The following ARHGEF18 variants were observed in gnomAD, a reference collection of about 807,000 sequenced individuals.
ARHGEF18 encodes Rho/Rac guanine nucleotide exchange factor 18.
A neutral mutation model predicts 155.7 loss-of-function variants in ARHGEF18; 93 were observed. The observed-to-expected ratio is 0.60, with a 90% CI of 0.50 to 0.71. The LOEUF is 0.71. ARHGEF18 is among the 30% of genes least tolerant of loss of function. ARHGEF18 has a pLI of 0.00. For synonymous variants in ARHGEF18, 742 were observed against 753.1 expected (o/e 0.99, Z 0.24); for missense variants, 1,593 against 1,816.1 (o/e 0.88, Z 2.23).
At chr19:7,415,705 T>C (rs1481388011) in intron 10 of ARHGEF18, among the ~76,000 whole-genome samples, 2 of 151,986 alleles carry the variant, frequency 1.3e-5, no homozygotes, top group Middle Eastern at 3.4e-3. Context: ...ACCCACCACA[T>C]GACAGGCCTC....
chr19:7,395,394 C>A lies in ARHGEF18; in HGVS notation c.967+12191C>A, dbSNP rs1028835029. On this transcript the variant is annotated intron_variant, in intron 10 of 28. Coordinates refer to ENST00000668164, the MANE Select transcript of ARHGEF18 (RefSeq NM_001367823.1). The surrounding 1 kb of genome is among the most constrained non-coding windows in gnomAD (Gnocchi z 5.0). ...TGGGGGACTTCTCCAGGCAGGCGAA[C>A]GGGTGCTGGGGTGCAGGCTGCTCCT... 7 of 864,712 alleles carry A rather than the reference C, an allele frequency of 8.1e-6. No homozygotes were observed. The highest frequency in any genetic ancestry group is 9.7e-6 in the Non-Finnish European group (7 of 719,856). The allele number at this position is 864,712 out of a possible 1,614,324, so 53.6% of individuals were successfully genotyped here. A position where few individuals can be genotyped will look rare whatever the true frequency, so the allele number is the denominator to read the frequency against.
At chr19:7,476,287 G>C (rs868309028), downstream of ARHGEF18, among the ~76,000 whole-genome samples, 1 of 152,240 alleles carries the variant, frequency 6.6e-6, no homozygotes, top group Non-Finnish European at 1.5e-5. Flanking sequence ...ACTCCAGCCT[G>C]GGTGACAGAG....
At chr19:7,360,192 T>A (rs1568262806) in intron 1 of ARHGEF18, among the ~76,000 whole-genome samples, 2 of 151,120 alleles carry the variant, frequency 1.3e-5, no homozygotes, top group Non-Finnish European at 2.9e-5. Context: ...ACATGCACAA[T>A]CACACAACCC....
chr19:7,415,711 G>T (rs984904803), intron 10 of ARHGEF18, among the ~76,000 whole-genome samples: 2 of 151,702 alleles, frequency 1.3e-5, no homozygotes, highest in African/African-American at 4.8e-5. Context: ...CACATGACAG[G>T]CCTCGTGCCA....
At chr19:7,383,687 T>C (rs1600244520) in intron 10 of ARHGEF18, among the ~76,000 whole-genome samples, 1 of 152,166 alleles carries the variant, frequency 6.6e-6, no homozygotes, top group Non-Finnish European at 1.5e-5. Context: ...TCTATAAGGA[T>C]ACCAGCCATA....
chr19:7,395,481 G>A lies in ARHGEF18; in HGVS notation c.967+12278G>A, dbSNP rs1971647370. The stretch of plus-strand genomic sequence containing the variant: ...GCAGAGGTGCAGACGATGCCCGCCC[G>A]CTCCGTCCGAGCCCCAGCCAGTCCT... On this transcript the variant is annotated intron_variant, in intron 10 of 28. Transcript: ENST00000668164. This position sits in a 1 kb window ranked among gnomAD's most constrained non-coding sequence, Gnocchi z 5.0. Among the ~76,000 whole-genome samples, 1 of 152,174 alleles carries A rather than the reference G, an allele frequency of 6.6e-6. No homozygotes were observed. Among genetic ancestry groups the A allele is most frequent in the Admixed American group, 6.5e-5 (1 of 15,288 alleles).
intron 15 of ARHGEF18, among the ~76,000 whole-genome samples, chr19:7,448,640 A>C (rs766135857): frequency 6.6e-6 from 1 of 151,970 alleles, no homozygotes; most frequent in Non-Finnish European, 1.5e-5. Context: ...CAGCCTGGGC[A>C]ACAAGAGCGA....
chr19:7,411,747 T>G (rs1352167059), intron 10 of ARHGEF18, among the ~76,000 whole-genome samples: 2 of 152,108 alleles, frequency 1.3e-5, no homozygotes, highest in African/African-American at 4.8e-5. Context: ...TCTGTCCTCA[T>G]AAAACACTCA....
chr19:7,462,836 CTTTTTTT>C lies in ARHGEF18; in HGVS notation c.2635+514_2635+520del, dbSNP rs34155241. Among the ~76,000 whole-genome samples, 300 of 96,488 alleles carry C rather than the reference CTTTTTTT, an allele frequency of 3.1e-3. 1 individual carries two copies. Among genetic ancestry groups the C allele is most frequent in the Non-Finnish European group, 4.6e-3 (227 of 49,442 alleles). 63.3% of individuals were successfully genotyped at this position (96,488 alleles called of 152,430 possible). On this transcript the variant is annotated intron_variant, in intron 21 of 28. Transcript: ENST00000668164. The surrounding 1 kb of genome is among the most constrained non-coding windows in gnomAD (Gnocchi z 4.4). ...AGTCTGCTCTTTCTTTTTTTCTTTTCTTTTTTTTTTTTTTTTTTGAGATGGAGTCTCG... is the reference window on the plus strand; with the variant it reads ...AGTCTGCTCTTTCTTTTTTTCTTTTCTTTTTTTTTTTGAGATGGAGTCTCG...
intron 17 of ARHGEF18, among the ~76,000 whole-genome samples, chr19:7,454,909 C>A (rs1164811627): frequency 2.6e-5 from 4 of 152,046 alleles, no homozygotes; most frequent in African/African-American, 7.2e-5. Flanking sequence ...ATAGAGAATA[C>A]CCCCAGGACT....
In ARHGEF18 at chr19:7,456,177, G is replaced by T. The variant is rs1019913776; in HGVS notation, c.2105-150G>T. On this transcript the variant is annotated intron_variant, in intron 17 of 28. Coordinates refer to ENST00000668164, the MANE Select transcript of ARHGEF18 (RefSeq NM_001367823.1). ...TTGAGACCTGGAAAGGTGATGGGGGGTGCAGGCAAGGCAGAAAGGAAACTT... is the reference window on the plus strand; with the variant it reads ...TTGAGACCTGGAAAGGTGATGGGGGTTGCAGGCAAGGCAGAAAGGAAACTT... 3.6e-5 allele frequency: 26 copies of T among 729,718 alleles called. No homozygotes were observed. The African/African-American group carries it at 3.6e-4, about 10-fold the overall frequency. The allele number at this position is 729,718 out of a possible 1,614,324, so 45.2% of individuals were successfully genotyped here.
chr19:7,399,510 T>C (rs1444042623), intron 10 of ARHGEF18, among the ~76,000 whole-genome samples: 1 of 151,432 alleles, frequency 6.6e-6, no homozygotes, highest in Non-Finnish European at 1.5e-5. Context: ...GAGACAGAGT[T>C]TTGCTCTGTG....
intron 6 of ARHGEF18, 64 bp downstream of exon 6, chr19:7,378,515 G>A (rs540952089): frequency 7.5e-5 from 90 of 1,206,800 alleles, no homozygotes; most frequent in African/African-American, 1.6e-4. Context: ...TCAGGGCTGC[G>A]GGAGGAGGGC....
rs146134631 is a variant in ARHGEF18, at chr19:7,395,163, G to C, written c.967+11960G>C. 26 of 985,696 alleles carry C rather than the reference G, an allele frequency of 2.6e-5. No individual in the cohort carries two copies. The South Asian group carries it at 2.8e-4, about 11-fold the overall frequency. 61.1% of individuals were successfully genotyped at this position (985,696 alleles called of 1,614,324 possible). A position where few individuals can be genotyped will look rare whatever the true frequency, so the allele number is the denominator to read the frequency against. ...CCCAGCTGCTAGCTACTGTGGATCT[G>C]GGGGGGCCGGACGGAGGCATCGGAG... is the stretch of plus-strand genomic sequence containing the variant. On this transcript the variant is annotated intron_variant, in intron 10 of 28. Coordinates refer to ENST00000668164, the MANE Select transcript of ARHGEF18 (RefSeq NM_001367823.1). The surrounding 1 kb of genome is among the most constrained non-coding windows in gnomAD (Gnocchi z 5.0).
intron 10 of ARHGEF18, among the ~76,000 whole-genome samples, chr19:7,406,870 C>A (rs1342150545): frequency 6.7e-6 from 1 of 149,760 alleles, no homozygotes; most frequent in Non-Finnish European, 1.5e-5. Flanking sequence ...CTGGCTAACA[C>A]AGTGAAACCC....
rs1272243985 is a variant in ARHGEF18, at chr19:7,444,647, A to T, written c.1611+193A>T. Reference sequence around the variant, plus strand: ...CACCTCAGCCTCCCAAGTAGCTGGGACTACAGCTATGCGCCACCATACCCG... The same window carrying T: ...CACCTCAGCCTCCCAAGTAGCTGGGTCTACAGCTATGCGCCACCATACCCG... On this transcript the variant is annotated intron_variant, in intron 14 of 28. Transcript: ENST00000668164. This position sits in a 1 kb window ranked among gnomAD's most constrained non-coding sequence, Gnocchi z 4.7. 6.6e-6 allele frequency among the ~76,000 whole-genome samples: 1 copy of T among 152,018 alleles called. No homozygotes were observed. The highest frequency in any genetic ancestry group is 2.4e-5 in the African/African-American group (1 of 41,372).
chr19:7,423,470 C>T (rs994880158), intron 10 of ARHGEF18, among the ~76,000 whole-genome samples: 9 of 152,002 alleles, frequency 5.9e-5, no homozygotes, highest in African/African-American at 2.2e-4. Flanking sequence ...GAGGCCGAGG[C>T]GAGCGGATCA....
At chr19:7,379,060 G>C in intron 6 of ARHGEF18, 62 bp from the exon 7 acceptor site, 1 of 1,225,346 alleles carries the variant, frequency 8.2e-7, no homozygotes, top group Non-Finnish European at 1.0e-6. Context: ...GCTTATCTAG[G>C]GGAGAGTGTC....
chr19:7,446,760 G>T (rs1392229002), intron 14 of ARHGEF18, among the ~76,000 whole-genome samples: 1 of 151,918 alleles, frequency 6.6e-6, no homozygotes, highest in East Asian at 1.9e-4. Flanking sequence ...AGCCAGGCGT[G>T]GTGGCGGCAC....
Sources: allele counts gnomAD v4.1 joint callset (sites outside exome capture counted in the v4.1 genomes callset), GRCh38; gene constraint gnomAD v4.1.1; non-coding constraint Gnocchi (gnomAD v3.1); transcripts MANE v1.5; gene names NCBI Gene and HGNC (gene_info 2026-07-23, HGNC 2026-07-21).